FAP: variants seen among roughly 807,000 people sequenced by gnomAD.
FAP encodes prolyl endopeptidase FAP.
FAP carries 110 observed loss-of-function variants against 126.5 expected under a neutral mutation model. The observed-to-expected ratio is 0.87, with a 90% CI of 0.74 to 1.02. The LOEUF (loss-of-function observed/expected upper bound fraction) is 1.02. Among genes scored for constraint, FAP ranks in the 50% least tolerant of loss-of-function variants. The probability of loss-of-function intolerance (pLI) is 0.00; values close to 1 mark genes in which losing one functional copy is unlikely to be tolerated. For missense variants in FAP, 919 were observed against 909.2 expected, an observed-to-expected ratio of 1.01 and a Z score of -0.14; for synonymous variants, 334 against 297.3, an observed-to-expected ratio of 1.12 and a Z score of -1.27.
At chr2:162,171,148 T>G in intron 25 of FAP, 68 bp from the exon 26 acceptor site, 1 of 1,232,464 alleles carries the variant, frequency 8.1e-7, no homozygotes, top group South Asian at 1.2e-5. Flanking sequence ...TGGACTTTTT[T>G]GTGCTCTCAG....
At chr2:162,218,578 TAGA>T (rs919644018) in intron 8 of FAP, among the ~76,000 whole-genome samples, 1 of 151,418 alleles carries the variant, frequency 6.6e-6, no homozygotes, top group Non-Finnish European at 1.5e-5. Context: ...GATAGATAGA[TAGA>T]TAGATAGATA....
chr2:162,200,946 C>T (rs1688473692), intron 14 of FAP, among the ~76,000 whole-genome samples: 1 of 152,094 alleles, frequency 6.6e-6, no homozygotes, highest in Admixed American at 6.6e-5. Context: ...TTACCTGTTT[C>T]TCTGTACTAC....
rs1553690219 is a variant in FAP, at chr2:162,218,598, T to TAGAC, written c.608-459_608-458insGTCT. 9.6e-4 allele frequency among the ~76,000 whole-genome samples: 145 copies of TAGAC among 151,614 alleles called. 1 individual carries two copies. Among genetic ancestry groups the TAGAC allele is most frequent in the Middle Eastern group, 6.8e-3 (2 of 294 alleles). ...ATAGATAGATAGATAGATAGATAGA[T>TAGAC]AGATAAATAGATAGAGACTAGAAGT... On this transcript the variant is annotated intron_variant, in intron 8 of 25. Transcript: ENST00000188790.
chr2:162,185,695 T>C (rs1357662591), intron 20 of FAP, among the ~76,000 whole-genome samples: 3 of 152,130 alleles, frequency 2.0e-5, no homozygotes, highest in African/African-American at 4.8e-5. Flanking sequence ...CGATTTTCTT[T>C]TGGTATGTCA....
rs1206551395 is a variant in FAP at position 162,171,033 on chromosome 2, G to C, written c.2229C>G (p.His743Gln). 6.2e-7 allele frequency: 1 copy of C among 1,613,200 alleles called. No homozygotes were observed. The highest frequency in any genetic ancestry group is 8.5e-7 in the Non-Finnish European group (1 of 1,179,424). ...NHGLSGLSTN[H>Q]LYTHMTHFLK... ...GGAAGTGGGTCATGTGGGTGTATAA[G>C]TGGTTCGTGGACAGGCCGGATAAGC... is the stretch of plus-strand genomic sequence containing the variant. Residue 743 changes from histidine (H) to glutamine (Q), a missense_variant, in exon 26 of 26, where the codon CAC becomes CAG. Physicochemically the swap from His to Gln is conservative, Grantham distance 24. Transcript: ENST00000188790.
chr2:162,221,244 A>G (rs1689381940), intron 6 of FAP, among the ~76,000 whole-genome samples: 1 of 152,104 alleles, frequency 6.6e-6, no homozygotes, highest in Non-Finnish European at 1.5e-5. Context: ...GAGCCCAGTT[A>G]AAAGATTGAC....
intron 16 of FAP, chr2:162,197,811 G>A (rs899586115): frequency 5.7e-6 from 2 of 350,026 alleles, no homozygotes; most frequent in African/African-American, 4.3e-5. Context: ...CAGGGGAGCT[G>A]ATACCAAAAC....
At chr2:162,197,848 C>T (rs187455956) in intron 16 of FAP, 14 of 335,822 alleles carry the variant, frequency 4.2e-5, no homozygotes, top group East Asian at 8.0e-5. Flanking sequence ...TTTTGTAATA[C>T]CTTTTTCCAA....
At chr2:162,217,163 T>C (rs1559785106) in intron 9 of FAP, among the ~76,000 whole-genome samples, 1 of 152,250 alleles carries the variant, frequency 6.6e-6, no homozygotes, top group African/African-American at 2.4e-5. Context: ...CTTGTGTGTA[T>C]ACCACATCCA....
chr2:162,222,307 G>A (rs1424717254), intron 6 of FAP, among the ~76,000 whole-genome samples: 1 of 152,120 alleles, frequency 6.6e-6, no homozygotes, highest in African/African-American at 2.4e-5. Context: ...ATTGTTATAT[G>A]TGTTTCACAT....
chr2:162,225,699 T>C (rs1432695143), intron 3 of FAP, 122 bp from the exon 4 acceptor site: 8 of 922,094 alleles, frequency 8.7e-6, no homozygotes, highest in Non-Finnish European at 1.2e-5. Flanking sequence ...CAGTACATAT[T>C]GCTTTGTGAT....
intron 11 of FAP, among the ~76,000 whole-genome samples, chr2:162,210,385 G>A (rs1400627993): frequency 6.6e-6 from 1 of 152,002 alleles, no homozygotes; most frequent in Non-Finnish European, 1.5e-5. Flanking sequence ...ATCTTATTTT[G>A]GGTTATATTT....
intron 16 of FAP, 169 bp downstream of exon 16, chr2:162,198,588 T>C (rs2106240977): frequency 1.1e-6 from 1 of 934,602 alleles, no homozygotes; most frequent in Non-Finnish European, 1.6e-6. Context: ...AAAGTAAAGA[T>C]AATAATACCT....
At chr2:162,216,919 C>T (rs1363830630) in intron 9 of FAP, among the ~76,000 whole-genome samples, 1 of 152,148 alleles carries the variant, frequency 6.6e-6, no homozygotes, top group Non-Finnish European at 1.5e-5. Context: ...TCCCAACTTC[C>T]CAATCAGTGT....
chr2:162,195,177 T>C (rs1017068320), intron 16 of FAP: 10 of 198,376 alleles, frequency 5.0e-5, no homozygotes, highest in African/African-American at 2.3e-4. Flanking sequence ...TCAGCTTATT[T>C]AGATGGGTAA....
intron 17 of FAP, 75 bp from the exon 18 acceptor site, chr2:162,189,829 C>T: frequency 1.3e-6 from 1 of 777,872 alleles, no homozygotes; most frequent in Non-Finnish European, 2.1e-6. Flanking sequence ...ATTCCTTTGA[C>T]TTCAATATGG....
chr2:162,198,717 C>T (rs746674471), intron 16 of FAP, 40 bp downstream of exon 16: 4 of 1,610,246 alleles, frequency 2.5e-6, no homozygotes, highest in South Asian at 2.2e-5. Context: ...GACAACCATG[C>T]CTGTGGGGAT....
At chr2:162,178,137 C>T (rs1308215346) in intron 21 of FAP, among the ~76,000 whole-genome samples, 3 of 152,266 alleles carry the variant, frequency 2.0e-5, no homozygotes, top group South Asian at 4.1e-4. Flanking sequence ...GTTGATCACA[C>T]ATAGCAATTC....
Position 162,218,124 on chromosome 2 carries a change from T to C in FAP, c.624A>G (p.Thr208=), listed in dbSNP as rs749704178. ...TAGGAGACCACCAGAGAGCATATTT[T>C]GTAGCAAGCATTTCCTCTGAAAAAT... ...DWVYEEEMLA[T]KYALWWSPNG... is the part of the protein sequence containing the mutation. The change falls in exon 9 of 26, where the codon ACA becomes ACG. Residue 208 remains threonine, a synonymous_variant. Transcript: ENST00000188790. 7 of 1,603,532 alleles carry C rather than the reference T, an allele frequency of 4.4e-6. No individual in the cohort carries two copies. Among genetic ancestry groups the C allele is most frequent in the Admixed American group, 1.7e-5 (1 of 58,038 alleles).
Sources: allele counts gnomAD v4.1 joint callset (sites outside exome capture counted in the v4.1 genomes callset), GRCh38; gene constraint gnomAD v4.1.1; transcripts MANE v1.5; gene names NCBI Gene and HGNC (gene_info 2026-07-23, HGNC 2026-07-21).